Variants in LARP1 observed in about 807,000 individuals in gnomAD.
LARP1 encodes the protein La ribonucleoprotein 1, translational regulator, also known as la-related protein 1.
In LARP1, 36 loss-of-function variants were observed where a neutral mutation model predicts 122.7. The observed-to-expected ratio is 0.29, with a 90% CI of 0.22 to 0.39. LARP1 has a LOEUF of 0.39. Among genes scored for constraint, LARP1 ranks in the 10% least tolerant of loss-of-function variants. The pLI is 1.00. For synonymous variants in LARP1, 539 were observed against 528.7 expected (o/e 1.02, Z -0.27); for missense variants, 1,040 against 1,403.6 (o/e 0.74, Z 4.14).
upstream of LARP1, among the ~76,000 whole-genome samples, chr5:154,709,740 G>A (rs1384823143): frequency 2.0e-5 from 3 of 151,538 alleles, no homozygotes; most frequent in Non-Finnish European, 4.4e-5. Context: ...AGCGGGCCAC[G>A]TATGGACTAA....
At chr5:154,811,678 A>G in intron 18 of LARP1, 38 bp downstream of exon 18, 1 of 1,612,132 alleles carries the variant, frequency 6.2e-7, no homozygotes, top group Non-Finnish European at 8.5e-7. Flanking sequence ...CTTGTCCTGG[A>G]AAGAAAACTG....
rs746470619 is a variant in LARP1 at position 154,793,849 on chromosome 5, G to C, written c.918G>C (p.Trp306Cys). ...CCGTGGCCCCCCCCACCCCAGCCTG[G>C]CAACCAGAGATCAAACCGGAGCCTG... is the stretch of plus-strand genomic sequence containing the variant. ...YVPVAPPTPA[W>C]QPEIKPEPAW... is the part of the protein sequence containing the mutation. Residue 306 changes from tryptophan to cysteine, a missense_variant, in exon 6 of 19, where the codon TGG becomes TGC. Trp to Cys is a radical substitution (Grantham distance 215, BLOSUM62 -2). Transcript: ENST00000518297. 3 of 1,614,056 alleles carry C rather than the reference G, an allele frequency of 1.9e-6. No homozygotes were observed. The African/African-American group carries it at 4.0e-5, about 22-fold the overall frequency.
At position 154,811,517 on chromosome 5, in the gene LARP1, A is replaced by G. The variant is rs931746585; in HGVS notation, c.2958A>G (p.Gln986=). ...TTTCTGTACCTCTCCCTACAGGCCA[A>G]CTGTATGGGCTGGAGAAGTTCTGGG... is the stretch of plus-strand genomic sequence containing the variant. ...EETVKDYEAG[Q]LYGLEKFWAF... is the part of the protein sequence containing the mutation. Residue 986 remains glutamine, a synonymous_variant, in exon 18 of 19, where the codon CAA becomes CAG. Transcript: ENST00000518297. 43 of 1,614,090 alleles carry G rather than the reference A, an allele frequency of 2.7e-5. No individual in the cohort carries two copies. The highest frequency in any genetic ancestry group is 8.3e-5 in the Admixed American group (5 of 59,996).
At chr5:154,779,982 A>G (rs1246360105) in intron 1 of LARP1, among the ~76,000 whole-genome samples, 3 of 152,088 alleles carry the variant, frequency 2.0e-5, no homozygotes, top group Non-Finnish European at 4.4e-5. Context: ...ACACTGAAGG[A>G]GCCTGTAGGC....
At chr5:154,763,439 T>G (rs1754642749) in intron 1 of LARP1, among the ~76,000 whole-genome samples, 1 of 151,942 alleles carries the variant, frequency 6.6e-6, no homozygotes, top group African/African-American at 2.4e-5. Context: ...TCTGTCCTTC[T>G]AATTGCTCAG....
At chr5:154,772,792 A>G (rs1447771988) in intron 1 of LARP1, among the ~76,000 whole-genome samples, 2 of 152,078 alleles carry the variant, frequency 1.3e-5, no homozygotes, top group East Asian at 3.9e-4. Flanking sequence ...GGTTCAAACA[A>G]TTCTCCTGCC....
chr5:154,722,667 A>G (rs545083834), intron 1 of LARP1, among the ~76,000 whole-genome samples: 2 of 145,174 alleles, frequency 1.4e-5, no homozygotes, highest in South Asian at 4.3e-4. Context: ...GACCTCATGC[A>G]TCTTTCCTAG....
chr5:154,718,670 C>T (rs1471679799), intron 1 of LARP1: 2 of 152,294 alleles, frequency 1.3e-5, no homozygotes, highest in African/African-American at 4.8e-5. Flanking sequence ...GGACCAGAGG[C>T]ATAGGCCATT....
chr5:154,706,786 A>G (rs1391416762), intron 1 of LARP1, among the ~76,000 whole-genome samples: 1 of 152,196 alleles, frequency 6.6e-6, no homozygotes, highest in African/African-American at 2.4e-5. Context: ...TAGCCAATAA[A>G]GTAGGGACTT....
chr5:154,806,338 A>G (rs1758780789), intron 15 of LARP1, among the ~76,000 whole-genome samples: 1 of 152,232 alleles, frequency 6.6e-6, no homozygotes, highest in African/African-American at 2.4e-5. Flanking sequence ...TGTCAGGTCT[A>G]GTCCACTGTC....
intron 1 of LARP1, among the ~76,000 whole-genome samples, chr5:154,686,872 C>T (rs1225938082): frequency 6.6e-6 from 1 of 152,228 alleles, no homozygotes; most frequent in Non-Finnish European, 1.5e-5. Context: ...TCCAAGTATC[C>T]CTTGGCAGAG....
rs1157060054 is a variant in LARP1, at chr5:154,817,258, C to T, written c.*3162C>T. Reference sequence around the variant, plus strand: ...CCCTGGATTTTCCCTAACACCCACCCTCTCCCCCTTCAGCCATGCTGATGG... The same window carrying T: ...CCCTGGATTTTCCCTAACACCCACCTTCTCCCCCTTCAGCCATGCTGATGG... On this transcript the variant is annotated 3_prime_UTR_variant, in exon 19 of 19. Transcript: ENST00000518297. 6.6e-6 allele frequency: 1 copy of T among 152,390 alleles called. No homozygotes were observed. Among genetic ancestry groups the T allele is most frequent in the Admixed American group, 6.5e-5 (1 of 15,278 alleles). The allele number at this position is 152,390 out of a possible 1,614,324, so 9.4% of individuals were successfully genotyped here.
chr5:154,720,574 T>G (rs1239258432), intron 1 of LARP1, among the ~76,000 whole-genome samples: 1 of 152,042 alleles, frequency 6.6e-6, no homozygotes, highest in African/African-American at 2.4e-5. Flanking sequence ...TAGCCAGGTG[T>G]GGTGGCACAT....
At chr5:154,698,332 C>T (rs1184786510) in intron 1 of LARP1, among the ~76,000 whole-genome samples, 1 of 152,172 alleles carries the variant, frequency 6.6e-6, no homozygotes, top group African/African-American at 2.4e-5. Flanking sequence ...CACTGTGGCT[C>T]ACGCCTGTAA....
intron 1 of LARP1, among the ~76,000 whole-genome samples, chr5:154,696,931 C>T (rs558664646): frequency 1.3e-5 from 2 of 152,300 alleles, no homozygotes; most frequent in African/African-American, 2.4e-5. Flanking sequence ...TAGAGGAAAT[C>T]GTCCTTCATT....
At chr5:154,805,841 G>A in intron 14 of LARP1, 40 bp from the exon 15 acceptor site, 2 of 1,600,286 alleles carry the variant, frequency 1.2e-6, no homozygotes, top group Non-Finnish European at 1.7e-6. Context: ...TGGGGCTGCT[G>A]TGGGGAACCT....
chr5:154,734,747 C>T (rs1490580976), intron 1 of LARP1, among the ~76,000 whole-genome samples: 7 of 152,094 alleles, frequency 4.6e-5, no homozygotes, highest in Non-Finnish European at 7.4e-5. Context: ...AGTATATTCA[C>T]GTTGTTGGAA....
chr5:154,713,071 C>G lies in LARP1; in HGVS notation c.146C>G (p.Pro49Arg), dbSNP rs778831749. ...TTGGCAGCTGCCCCGAGGAAGGAGC[C>G]CACAGGTGACAGGGAGAAGCCATTG... is the stretch of plus-strand genomic sequence containing the variant. Residue 49 changes from proline to arginine, a missense_variant, in exon 1 of 19, where the codon CCC becomes CGC. Pro to Arg is a moderately radical substitution (Grantham distance 103, BLOSUM62 -2). Coordinates refer to the LARP1 transcript ENST00000336314. The G allele has an allele frequency of 3.7e-5, 59 of 1,614,010 alleles. No homozygotes were observed. The Admixed American group carries it at 9.7e-4, about 26-fold the overall frequency.
At chr5:154,768,013 G>T (rs1443667063) in intron 1 of LARP1, among the ~76,000 whole-genome samples, 1 of 152,190 alleles carries the variant, frequency 6.6e-6, no homozygotes, top group South Asian at 2.1e-4. Context: ...TCAAAGCTTG[G>T]GGGTGCGGTG....
Sources: allele counts gnomAD v4.1 joint callset (sites outside exome capture counted in the v4.1 genomes callset), GRCh38; gene constraint gnomAD v4.1.1; transcripts MANE v1.5; gene names NCBI Gene and HGNC (gene_info 2026-07-23, HGNC 2026-07-21).